CPEB1: variants seen among roughly 807,000 people sequenced by gnomAD.
CPEB1 encodes cytoplasmic polyadenylation element binding protein 1.
A neutral mutation model predicts 65.8 loss-of-function variants in CPEB1; 7 were observed. The observed-to-expected ratio is 0.11, with a 90% CI of 0.06 to 0.20. CPEB1 has a LOEUF of 0.20. Ranked by LOEUF, CPEB1 falls within the 10% of genes least tolerant of loss-of-function variation. The pLI is 1.00. For synonymous variants in CPEB1, 262 were observed against 260.0 expected, an observed-to-expected ratio of 1.01 and a Z score of -0.08; for missense variants, 551 against 712.2, an observed-to-expected ratio of 0.77 and a Z score of 2.58.
chr15:82,590,203 C>A (rs55972423), intron 3 of CPEB1, among the ~76,000 whole-genome samples: 16 of 131,824 alleles, frequency 1.2e-4, no homozygotes, highest in African/African-American at 2.9e-4. Context: ...CCCCTCATCC[C>A]TTTGACAAAA....
At chr15:82,581,007 A>T (rs536645467) in intron 3 of CPEB1, among the ~76,000 whole-genome samples, 1 of 152,224 alleles carries the variant, frequency 6.6e-6, no homozygotes, top group African/African-American at 2.4e-5. Flanking sequence ...GCATGTCACC[A>T]GCCTGGCTAA....
At chr15:82,551,916 C>G (rs1183198364) in intron 9 of CPEB1, among the ~76,000 whole-genome samples, 3 of 151,964 alleles carry the variant, frequency 2.0e-5, no homozygotes, top group Non-Finnish European at 4.4e-5. Context: ...CCCATGCTGC[C>G]AAGGATACAT....
chr15:82,628,339 TG>T, intron 2 of CPEB1, 24 bp downstream of exon 2: 1 of 702,852 alleles, frequency 1.4e-6, no homozygotes, highest in Non-Finnish European at 2.6e-6. Flanking sequence ...ACATGGACCT[TG>T]GAGAAATCCA....
intron 10 of CPEB1, among the ~76,000 whole-genome samples, chr15:82,547,522 C>A (rs2035470664): frequency 6.6e-6 from 1 of 151,698 alleles, no homozygotes; most frequent in Admixed American, 6.6e-5. Context: ...TCTTGATCTC[C>A]TGACCTTGTG....
intron 4 of CPEB1, among the ~76,000 whole-genome samples, chr15:82,570,711 T>G (rs1164293361): frequency 1.3e-5 from 2 of 150,644 alleles, no homozygotes; most frequent in Admixed American, 1.3e-4. Context: ...AGCTGGTCAC[T>G]CTCAACACAA....
At chr15:82,613,597 G>C (rs1263175742) in intron 3 of CPEB1, among the ~76,000 whole-genome samples, 2 of 152,016 alleles carry the variant, frequency 1.3e-5, no homozygotes, top group Admixed American at 6.5e-5. Flanking sequence ...GCCCAGGCTG[G>C]TCTCTAACCA....
At chr15:82,589,546 C>A (rs2042055598) in intron 3 of CPEB1, among the ~76,000 whole-genome samples, 1 of 152,082 alleles carries the variant, frequency 6.6e-6, no homozygotes, top group African/African-American at 2.4e-5. Flanking sequence ...GAGTTTAGGA[C>A]CAGCCCGGCC....
chr15:82,620,330 GAGA>G (rs71455409), intron 3 of CPEB1, among the ~76,000 whole-genome samples: 36,586 of 151,340 alleles, frequency 0.24, 4,666 homozygotes, highest in South Asian at 0.42. Flanking sequence ...GAGGCTGAGG[GAGA>G]AGAATCCCTT....
chr15:82,625,482 C>T (rs2045680043), intron 3 of CPEB1, among the ~76,000 whole-genome samples: 1 of 152,132 alleles, frequency 6.6e-6, no homozygotes, highest in Non-Finnish European at 1.5e-5. Flanking sequence ...AAAGAATTTA[C>T]AACTAAAAAC....
intron 3 of CPEB1, among the ~76,000 whole-genome samples, chr15:82,585,798 T>C (rs1236122707): frequency 6.6e-6 from 1 of 152,194 alleles, no homozygotes; most frequent in African/African-American, 2.4e-5. Flanking sequence ...GAATGAACAG[T>C]TTGAGATATT....
chr15:82,610,095 T>A (rs1374778523), intron 3 of CPEB1, among the ~76,000 whole-genome samples: 1 of 150,384 alleles, frequency 6.6e-6, no homozygotes, highest in Admixed American at 6.6e-5. Flanking sequence ...TGAATAATTA[T>A]ATGCCTGCAA....
intron 11 of CPEB1, 117 bp downstream of exon 11, chr15:82,547,026 T>TCA: frequency 1.5e-6 from 1 of 684,570 alleles, no homozygotes; most frequent in East Asian, 2.6e-5. Flanking sequence ...GGAATTTGGC[T>TCA]CACTTCCCTA....
chr15:82,557,259 T>C (rs887720096), intron 5 of CPEB1, among the ~76,000 whole-genome samples: 2 of 152,152 alleles, frequency 1.3e-5, no homozygotes, highest in East Asian at 3.8e-4. Flanking sequence ...ATGGCATGAA[T>C]TGAAAGCTGA....
At chr15:82,614,296 C>T (rs575158661) in intron 3 of CPEB1, among the ~76,000 whole-genome samples, 1 of 152,334 alleles carries the variant, frequency 6.6e-6, no homozygotes, top group South Asian at 2.1e-4. Context: ...CGAGCCACTG[C>T]ACCCAGCTGT....
intron 1 of CPEB1, chr15:82,630,092 G>A: frequency 1.0e-6 from 1 of 985,370 alleles, no homozygotes; most frequent in Non-Finnish European, 1.2e-6. Context: ...CTTCATGAAG[G>A]CTAAGATGCA....
rs1383357400 is a variant in CPEB1, at chr15:82,606,833, A to T, written c.271+20360T>A. 2.0e-5 allele frequency among the ~76,000 whole-genome samples: 3 copies of T among 150,166 alleles called. 1 individual carries two copies. The highest frequency in any genetic ancestry group is 4.4e-5 in the Non-Finnish European group (3 of 67,696). On this transcript the variant is annotated intron_variant, in intron 3 of 12. Coordinates refer to ENST00000684509, the MANE Select transcript of CPEB1 (RefSeq NM_001365242.1). ...ACTCCGTCTCAAAAAAAAAAAAAAA[A>T]AAATACATAGTAAAAGAGGCCAGGC...
At chr15:82,581,822 T>C (rs1298992297) in intron 3 of CPEB1, among the ~76,000 whole-genome samples, 1 of 152,218 alleles carries the variant, frequency 6.6e-6, no homozygotes, top group Non-Finnish European at 1.5e-5. Flanking sequence ...GACAATGGCA[T>C]CTTCTTGCAG....
chr15:82,547,725 T>C (rs2035507459), intron 10 of CPEB1, among the ~76,000 whole-genome samples: 1 of 151,650 alleles, frequency 6.6e-6, no homozygotes, highest in African/African-American at 2.4e-5. Context: ...CAGGCTGGAG[T>C]GTAATGGCGT....
At chr15:82,577,380 AACTT>A (rs1204096158) in intron 3 of CPEB1, among the ~76,000 whole-genome samples, 1 of 151,928 alleles carries the variant, frequency 6.6e-6, no homozygotes, top group African/African-American at 2.4e-5. Flanking sequence ...TTTTTAAACT[AACTT>A]AAAAAATTTT....
Sources: gnomAD v4.1 joint callset for allele counts (sites outside exome capture counted in the v4.1 genomes callset) on GRCh38, gnomAD v4.1.1 for gene constraint, MANE v1.5 for transcripts, NCBI Gene and HGNC (gene_info 2026-07-23, HGNC 2026-07-21) for gene names.